The following EYS variants were observed in gnomAD, a reference collection of about 807,000 sequenced individuals.
EYS encodes the protein EGF-like photoreceptor maintenance factor.
EYS carries 250 observed loss-of-function variants against 282.1 expected under a neutral mutation model. That is an observed-to-expected ratio of 0.89 (90% CI 0.80 to 0.98). EYS has a LOEUF of 0.98. Among genes scored for constraint, EYS ranks in the 50% least tolerant of loss-of-function variants. EYS has a pLI of 0.00. For synonymous variants in EYS, 1,355 were observed against 1,282.9 expected, an observed-to-expected ratio of 1.06 and a Z score of -1.20; for missense variants, 4,016 against 3,709.0, an observed-to-expected ratio of 1.08 and a Z score of -2.15.
At chr6:65,693,615 A>T (rs1321162702) in intron 1 of EYS, among the ~76,000 whole-genome samples, 2 of 150,110 alleles carry the variant, frequency 1.3e-5, no homozygotes, top group Non-Finnish European at 3.0e-5. Flanking sequence ...ATATTAGAGA[A>T]GTATTAAGAT....
chr6:65,451,207 G>A (rs1048429317), intron 5 of EYS, among the ~76,000 whole-genome samples: 1 of 151,974 alleles, frequency 6.6e-6, no homozygotes, highest in African/African-American at 2.4e-5. Flanking sequence ...CCAATTCTAA[G>A]TTGGAGCCTT....
chr6:64,692,773 C>T (rs1303543558), intron 22 of EYS, among the ~76,000 whole-genome samples: 1 of 152,068 alleles, frequency 6.6e-6, no homozygotes, highest in Non-Finnish European at 1.5e-5. Context: ...TTGTTTTTGT[C>T]TACCTCATCG....
intron 33 of EYS, 44 bp downstream of exon 33, chr6:64,066,294 C>A: frequency 6.6e-7 from 1 of 1,515,550 alleles, no homozygotes; most frequent in South Asian, 1.3e-5. Flanking sequence ...AACGAACAAA[C>A]AAAATTTCAG....
At chr6:64,034,028 AGG>A (rs1392104429) in intron 33 of EYS, among the ~76,000 whole-genome samples, 2 of 152,200 alleles carry the variant, frequency 1.3e-5, no homozygotes, top group Non-Finnish European at 2.9e-5. Flanking sequence ...AACAAAACAA[AGG>A]GAAGTAAAAA....
At chr6:63,826,983 G>A (rs1462967437) in intron 36 of EYS, among the ~76,000 whole-genome samples, 1 of 151,396 alleles carries the variant, frequency 6.6e-6, no homozygotes, top group African/African-American at 2.4e-5. Flanking sequence ...AAAAGATACA[G>A]AACAGCAGAA....
intron 28 of EYS, among the ~76,000 whole-genome samples, chr6:64,390,809 G>C (rs1773102436): frequency 6.8e-6 from 1 of 147,474 alleles, no homozygotes; most frequent in Non-Finnish European, 1.5e-5. Context: ...GAAGGCTTCA[G>C]ACGATCAAAT....
chr6:65,323,078 T>C (rs933651912), intron 11 of EYS, among the ~76,000 whole-genome samples: 4 of 149,616 alleles, frequency 2.7e-5, no homozygotes, highest in African/African-American at 9.9e-5. Flanking sequence ...CTCTCTTTGC[T>C]AAATGGATAT....
chr6:65,236,362 A>G lies in EYS; in HGVS notation c.2023+59501T>C, dbSNP rs191313668. Reference sequence around the variant, plus strand: ...CACGGTGGCTCATGCCTGTAATCCCAGAACTTCTGGAGGCCAAGGCAGGTG... The same window carrying G: ...CACGGTGGCTCATGCCTGTAATCCCGGAACTTCTGGAGGCCAAGGCAGGTG... On this transcript the variant is annotated intron_variant, in intron 12 of 42. Coordinates refer to ENST00000503581, the MANE Select transcript of EYS (RefSeq NM_001142800.2). Among the ~76,000 whole-genome samples, 451 of 152,320 alleles carry G rather than the reference A, an allele frequency of 3.0e-3. 3 individuals are homozygous for G. Among genetic ancestry groups the G allele is most frequent in the African/African-American group, 0.01 (427 of 41,578 alleles).
At chr6:65,255,137 A>G (rs561292975) in intron 12 of EYS, among the ~76,000 whole-genome samples, 2 of 152,046 alleles carry the variant, frequency 1.3e-5, no homozygotes, top group South Asian at 4.1e-4. Context: ...TATGCTATAG[A>G]GCTATTGTAA....
intron 36 of EYS, among the ~76,000 whole-genome samples, chr6:63,832,711 T>C (rs1043728568): frequency 6.6e-6 from 1 of 152,200 alleles, no homozygotes; most frequent in Non-Finnish European, 1.5e-5. Context: ...CCCTAACTCA[T>C]TTCATGAGGC....
At chr6:63,742,088 A>G (rs1026172401) in intron 41 of EYS, 2 of 654,428 alleles carry the variant, frequency 3.1e-6, no homozygotes, top group African/African-American at 3.6e-5. Flanking sequence ...AACCTCTTTA[A>G]CTCTTCACTT....
intron 1 of EYS, among the ~76,000 whole-genome samples, chr6:65,672,838 T>C (rs1387310664): frequency 6.6e-6 from 1 of 152,178 alleles, no homozygotes; most frequent in East Asian, 1.9e-4. Context: ...ATCACCTGGG[T>C]GCAGGCGGGC....
intron 23 of EYS, among the ~76,000 whole-genome samples, chr6:64,624,968 TG>T (rs1362968914): frequency 6.6e-6 from 1 of 152,200 alleles, no homozygotes; most frequent in Non-Finnish European, 1.5e-5. Flanking sequence ...CTCCATCTCC[TG>T]GGCTCAAGTA....
chr6:64,199,922 A>C (rs1276367560), intron 31 of EYS, among the ~76,000 whole-genome samples: 1 of 152,170 alleles, frequency 6.6e-6, no homozygotes, highest in Admixed American at 6.6e-5. Context: ...AACTCAAAGC[A>C]ACCGAAGTGT....
chr6:64,235,861 C>T (rs1002480291), intron 30 of EYS, among the ~76,000 whole-genome samples: 3 of 152,122 alleles, frequency 2.0e-5, no homozygotes, highest in Non-Finnish European at 4.4e-5. Flanking sequence ...AGTCCAGGAC[C>T]AGATGGACTC....
chr6:65,188,431 C>T lies in EYS; in HGVS notation c.2023+107432G>A, dbSNP rs1256842757. 3.3e-5 allele frequency among the ~76,000 whole-genome samples: 5 copies of T among 151,332 alleles called. No individual in the cohort carries two copies. The East Asian group carries it at 9.7e-4, about 29-fold the overall frequency. Reference sequence around the variant, plus strand: ...TGTAAACAAAATACAAGGAAATCTTCTATTAAAAATATATGCTTGAGATTC... The same window carrying T: ...TGTAAACAAAATACAAGGAAATCTTTTATTAAAAATATATGCTTGAGATTC... On this transcript the variant is annotated intron_variant, in intron 12 of 42. Transcript: ENST00000503581.
At chr6:63,930,919 C>T (rs1357247066) in intron 35 of EYS, among the ~76,000 whole-genome samples, 3 of 152,154 alleles carry the variant, frequency 2.0e-5, no homozygotes, top group East Asian at 1.9e-4. Context: ...TTAGCATTTC[C>T]TTGAGTCTTT....
chr6:65,128,976 T>C (rs1244832018), intron 12 of EYS, among the ~76,000 whole-genome samples: 1 of 151,808 alleles, frequency 6.6e-6, no homozygotes, highest in Admixed American at 6.6e-5. Context: ...CATAGACCAA[T>C]GGAACAGAAT....
intron 11 of EYS, among the ~76,000 whole-genome samples, chr6:65,317,843 T>TTTCTTTCTTTCTTTCTTTCC (rs1361050082): frequency 2.0e-5 from 1 of 50,482 alleles, no homozygotes; most frequent in Non-Finnish European, 3.7e-5. Flanking sequence ...TCTTTCTTTC[T>TTTCTTTCTTTCTTTCTTTCC]TTCTTTCTTT....
Sources: gnomAD v4.1 joint callset for allele counts (sites outside exome capture counted in the v4.1 genomes callset) on GRCh38, gnomAD v4.1.1 for gene constraint, MANE v1.5 for transcripts, NCBI Gene and HGNC (gene_info 2026-07-23, HGNC 2026-07-21) for gene names.